NEDD4L: variants seen among roughly 807,000 people sequenced by gnomAD.
NEDD4L encodes E3 ubiquitin-protein ligase NEDD4-like.
NEDD4L carries 54 observed loss-of-function variants against 148.9 expected under a neutral mutation model. That is an observed-to-expected ratio of 0.36 (90% confidence interval 0.29 to 0.45). The LOEUF is 0.45. Ranked by LOEUF, NEDD4L falls within the 20% of genes least tolerant of loss-of-function variation. The pLI, the probability that NEDD4L is intolerant of heterozygous loss-of-function variation, is 1.00. For synonymous variants in NEDD4L, 433 were observed against 440.7 expected, an observed-to-expected ratio of 0.98 and a Z score of 0.22; for missense variants, 856 against 1,233.8, an observed-to-expected ratio of 0.69 and a Z score of 4.59.
chr18:58,079,757 T>C (rs974061402), intron 1 of NEDD4L, among the ~76,000 whole-genome samples: 3 of 152,184 alleles, frequency 2.0e-5, no homozygotes, highest in Non-Finnish European at 4.4e-5. Flanking sequence ...GGTTTTGATT[T>C]TGCTTTTCCC....
At chr18:58,248,997 T>C in intron 4 of NEDD4L, 60 bp downstream of exon 4, 1 of 772,552 alleles carries the variant, frequency 1.3e-6, no homozygotes, top group South Asian at 2.2e-5. Flanking sequence ...ATTATCACAG[T>C]CAATTCATCT....
intron 2 of NEDD4L, among the ~76,000 whole-genome samples, 191 bp from the exon 3 acceptor site, chr18:58,245,236 G>T (rs556304812): frequency 2.0e-5 from 3 of 152,156 alleles, no homozygotes; most frequent in Admixed American, 6.5e-5. Context: ...AACATTATTG[G>T]CACTGGTTTT....
rs187882838 is a variant in NEDD4L at position 58,145,142 on chromosome 18, C to A, written c.49-20646C>A. Among the ~76,000 whole-genome samples the A allele has an allele frequency of 2.6e-3, 400 of 152,298 alleles. 3 individuals are homozygous for A. Among genetic ancestry groups the A allele is most frequent in the African/African-American group, 9.1e-3 (379 of 41,568 alleles). ...ACTGCCGATGCTGGGACGGTGCTTC[C>A]CCTCCCCCTGAGGCTCTCCTACCAG... On this transcript the variant is annotated intron_variant, in intron 1 of 30. Coordinates refer to ENST00000400345, the MANE Select transcript of NEDD4L (RefSeq NM_001144967.3).
intron 24 of NEDD4L, among the ~76,000 whole-genome samples, chr18:58,378,993 G>A (rs2047961392): frequency 1.3e-5 from 2 of 152,252 alleles, no homozygotes; most frequent in South Asian, 2.1e-4. Flanking sequence ...TTCTACTGCA[G>A]TGTTCTCCCA....
At position 58,389,072 on chromosome 18, in the gene NEDD4L, A is replaced by G; in HGVS notation, c.2548-13A>G. 1 of 1,609,566 alleles carries G rather than the reference A, an allele frequency of 6.2e-7. No individual in the cohort carries two copies. The highest frequency in any genetic ancestry group is 8.5e-7 in the Non-Finnish European group (1 of 1,176,336). ...CACATCCTGCTTTTACATCTGGTAA[A>G]TTTTCTTCCTAGTTGCTCATGTGCG... On this transcript the variant is annotated splice_polypyrimidine_tract_variant and intron_variant, in intron 27 of 30. Coordinates refer to ENST00000400345, the MANE Select transcript of NEDD4L (RefSeq NM_001144967.3).
intron 16 of NEDD4L, among the ~76,000 whole-genome samples, chr18:58,344,015 T>G (rs545479526): frequency 2.6e-5 from 4 of 152,358 alleles, no homozygotes; most frequent in Non-Finnish European, 2.9e-5. Context: ...GAGTTTAACT[T>G]GGTCCTACTA....
intron 18 of NEDD4L, among the ~76,000 whole-genome samples, chr18:58,355,149 TAGA>T (rs1237899032): frequency 1.7e-4 from 26 of 152,024 alleles, no homozygotes; most frequent in Admixed American, 1.7e-3. Context: ...GGCAGAGCTG[TAGA>T]AGATGTCTTG....
chr18:58,184,025 C>T (rs1457617360), intron 2 of NEDD4L, among the ~76,000 whole-genome samples: 1 of 152,062 alleles, frequency 6.6e-6, no homozygotes, highest in Non-Finnish European at 1.5e-5. Flanking sequence ...GAAAATTAGC[C>T]AGGCGTGGTG....
At chr18:58,175,332 G>T (rs1177547009) in intron 2 of NEDD4L, among the ~76,000 whole-genome samples, 1 of 86,662 alleles carries the variant, frequency 1.2e-5, no homozygotes, top group Non-Finnish European at 2.2e-5. Flanking sequence ...TGTTTTCATG[G>T]GGGCTGGTTT....
chr18:58,331,663 A>G (rs1398787826), intron 11 of NEDD4L, among the ~76,000 whole-genome samples: 1 of 152,222 alleles, frequency 6.6e-6, no homozygotes, highest in Non-Finnish European at 1.5e-5. Flanking sequence ...TTAAGAGCAA[A>G]TGAAGTCTCA....
intron 12 of NEDD4L, 74 bp downstream of exon 12, chr18:58,333,966 AAG>A: frequency 1.0e-6 from 1 of 958,262 alleles, no homozygotes; most frequent in Non-Finnish European, 1.6e-6. Flanking sequence ...CTGCTGCAAA[AAG>A]AGTTTTTCCT....
chr18:58,111,248 A>G (rs1487613430), intron 1 of NEDD4L, among the ~76,000 whole-genome samples: 2 of 152,130 alleles, frequency 1.3e-5, no homozygotes, highest in African/African-American at 4.8e-5. Context: ...TTGTATTTTT[A>G]GTAGAGACAG....
intron 19 of NEDD4L, among the ~76,000 whole-genome samples, chr18:58,362,269 T>C (rs1313476602): frequency 6.6e-6 from 1 of 152,210 alleles, no homozygotes; most frequent in Admixed American, 6.5e-5. Context: ...CTGTTTAAGC[T>C]TTTTTTCCAA....
At chr18:58,068,026 CAT>C (rs1331930481) in intron 1 of NEDD4L, among the ~76,000 whole-genome samples, 9 of 152,086 alleles carry the variant, frequency 5.9e-5, no homozygotes. Flanking sequence ...GCTGTGTGAT[CAT>C]AGCTCATTGC....
intron 1 of NEDD4L, among the ~76,000 whole-genome samples, chr18:58,061,318 A>G (rs368332070): frequency 2.5e-4 from 38 of 152,338 alleles, no homozygotes; most frequent in East Asian, 9.6e-4. Flanking sequence ...AAACTGAGGC[A>G]TAGACAGGAT....
At chr18:58,254,130 T>C (rs187845864) in intron 5 of NEDD4L, among the ~76,000 whole-genome samples, 4 of 152,162 alleles carry the variant, frequency 2.6e-5, no homozygotes, top group Non-Finnish European at 4.4e-5. Flanking sequence ...AACACATACT[T>C]TTAGAAAACA....
At chr18:58,155,834 G>A (rs2035419379) in intron 1 of NEDD4L, among the ~76,000 whole-genome samples, 1 of 152,204 alleles carries the variant, frequency 6.6e-6, no homozygotes, top group South Asian at 2.1e-4. Flanking sequence ...TGCTTTGGGA[G>A]TCTCTAGACA....
rs2031210966 is a variant in NEDD4L, at chr18:58,126,903, G to A, written c.49-38885G>A. On this transcript the variant is annotated intron_variant, in intron 1 of 30. Coordinates refer to ENST00000400345, the MANE Select transcript of NEDD4L (RefSeq NM_001144967.3). ...ACTCTGCCTTGGCACCCGCACCCCA[G>A]CACCCAGGGGTGAGGTGCCTGCCTG... Among the ~76,000 whole-genome samples, 4 of 152,220 alleles carry A rather than the reference G, an allele frequency of 2.6e-5. No individual in the cohort carries two copies. The South Asian group carries it at 8.3e-4, about 32-fold the overall frequency.
At chr18:58,081,284 C>T (rs555290376) in intron 1 of NEDD4L, among the ~76,000 whole-genome samples, 2 of 141,540 alleles carry the variant, frequency 1.4e-5, no homozygotes, top group East Asian at 2.1e-4. Flanking sequence ...GGCGCGATCT[C>T]GGCTCACTGC....
Sources: gnomAD v4.1 joint callset for allele counts (sites outside exome capture counted in the v4.1 genomes callset) on GRCh38, gnomAD v4.1.1 for gene constraint, MANE v1.5 for transcripts, NCBI Gene and HGNC (gene_info 2026-07-23, HGNC 2026-07-21) for gene names.